The following PPM1E variants were observed in gnomAD, a reference collection of about 807,000 sequenced individuals.
PPM1E encodes protein phosphatase 1E.
In PPM1E, 20 loss-of-function variants were observed where a neutral mutation model predicts 65.9. The observed-to-expected ratio is 0.30, with a 90% CI of 0.21 to 0.44. PPM1E has a LOEUF of 0.44. PPM1E is among the 20% of genes least tolerant of loss of function. The probability of loss-of-function intolerance (pLI) is 1.00; values close to 1 mark genes in which losing one functional copy is unlikely to be tolerated. For synonymous variants in PPM1E, 352 were observed against 374.9 expected (o/e 0.94, Z 0.70); for missense variants, 713 against 953.1 (o/e 0.75, Z 3.32).
chr17:58,782,387 A>G (rs553356079), intron 1 of PPM1E, among the ~76,000 whole-genome samples: 1 of 151,434 alleles, frequency 6.6e-6, no homozygotes, highest in East Asian at 1.9e-4. Flanking sequence ...ACTTGCAACA[A>G]TCTTAACTCA....
At chr17:58,837,326 C>CAT (rs144509598) in intron 1 of PPM1E, among the ~76,000 whole-genome samples, 1,859 of 131,790 alleles carry the variant, frequency 0.014, 40 homozygotes, top group African/African-American at 0.048. Context: ...GAATAACACA[C>CAT]ACACATACAC....
intron 1 of PPM1E, among the ~76,000 whole-genome samples, chr17:58,847,575 G>A (rs1031157742): frequency 6.6e-6 from 1 of 152,116 alleles, no homozygotes; most frequent in African/African-American, 2.4e-5. Flanking sequence ...GTGATCAGAT[G>A]GTTATAGATG....
chr17:58,889,483 C>T (rs1268134451), intron 1 of PPM1E, among the ~76,000 whole-genome samples: 3 of 152,118 alleles, frequency 2.0e-5, no homozygotes, highest in Non-Finnish European at 4.4e-5. Context: ...CTTGTAATCC[C>T]AGCTACTTGG....
At chr17:58,979,496 A>G (rs1460612511) in intron 6 of PPM1E, among the ~76,000 whole-genome samples, 1 of 152,230 alleles carries the variant, frequency 6.6e-6, no homozygotes, top group African/African-American at 2.4e-5. Flanking sequence ...CAAGAATAGA[A>G]CAAAAATTAT....
At chr17:58,780,265 T>C (rs975113166) in intron 1 of PPM1E, among the ~76,000 whole-genome samples, 1 of 152,306 alleles carries the variant, frequency 6.6e-6, no homozygotes, top group African/African-American at 2.4e-5. Context: ...TCCCAGCACT[T>C]TGGGAGACCA....
chr17:58,791,629 G>A (rs1251793130), intron 1 of PPM1E, among the ~76,000 whole-genome samples: 1 of 152,062 alleles, frequency 6.6e-6, no homozygotes, highest in Non-Finnish European at 1.5e-5. Context: ...AAAATTCCAG[G>A]TTTTCTGGAC....
In PPM1E at chr17:58,980,699, TCTC is replaced by T. The variant is rs761247536; in HGVS notation, c.1939_1941del (p.Pro647del). ...GCAGATATACAGAATGCAGAGCTTG[TCTC>T]CTGTCTGTTCAGGGTTGGAAAATGA... On this transcript the variant is annotated inframe_deletion, in exon 7 of 7. Transcript: ENST00000308249. This position sits in a 1 kb window ranked among gnomAD's most constrained non-coding sequence, Gnocchi z 4.7. 4.3e-6 allele frequency: 7 copies of T among 1,614,212 alleles called. No homozygotes were observed. Among genetic ancestry groups the T allele is most frequent in the Non-Finnish European group, 5.9e-6 (7 of 1,180,038 alleles).
chr17:58,948,973 T>C (rs1395201196), intron 1 of PPM1E, among the ~76,000 whole-genome samples: 1 of 152,256 alleles, frequency 6.6e-6, no homozygotes, highest in Non-Finnish European at 1.5e-5. Flanking sequence ...ATAAAAAGAA[T>C]GCATATTCTG....
chr17:58,930,194 A>G (rs1306703272), intron 1 of PPM1E, among the ~76,000 whole-genome samples: 3 of 151,652 alleles, frequency 2.0e-5, no homozygotes, highest in African/African-American at 7.3e-5. Flanking sequence ...CCAGGAGTTC[A>G]AGACCAGCCT....
rs770059329 is a variant in PPM1E at position 58,980,334 on chromosome 17, A to G, written c.1571A>G (p.Glu524Gly). 6.2e-7 allele frequency: 1 copy of G among 1,614,106 alleles called. No homozygotes were observed. The highest frequency in any genetic ancestry group is 1.7e-5 in the Admixed American group (1 of 60,016). Residue 524 changes from glutamate (E) to glycine (G), a missense_variant, in exon 7 of 7, where the codon GAG becomes GGG. Physicochemically the swap from Glu to Gly is moderately conservative, Grantham distance 98. Transcript: ENST00000308249. This position sits in a 1 kb window ranked among gnomAD's most constrained non-coding sequence, Gnocchi z 4.7. ...DGGDDKENHG[E>G]CKRPWPQHQC... is the part of the protein sequence containing the mutation. ...GGGGATGATAAGGAGAATCATGGAG[A>G]GTGCAAACGCCCTTGGCCTCAGCAC...
intron 1 of PPM1E, among the ~76,000 whole-genome samples, chr17:58,948,066 G>A (rs1038333231): frequency 2.0e-5 from 3 of 152,126 alleles, no homozygotes; most frequent in Admixed American, 6.5e-5. Flanking sequence ...AGAAAGAAGA[G>A]GAAGCCGGGG....
At chr17:58,931,311 G>A (rs1054478744) in intron 1 of PPM1E, among the ~76,000 whole-genome samples, 11 of 151,862 alleles carry the variant, frequency 7.2e-5, no homozygotes, top group Non-Finnish European at 1.3e-4. Flanking sequence ...GCTTGAACCC[G>A]GGAGGCGGAG....
intron 1 of PPM1E, among the ~76,000 whole-genome samples, chr17:58,806,867 G>T (rs1301982290): frequency 3.4e-5 from 5 of 145,724 alleles, no homozygotes; most frequent in East Asian, 2.0e-4. Context: ...GCCCTGCTGT[G>T]TTTTTTTTTT....
chr17:58,769,429 T>C (rs1225019323), intron 1 of PPM1E, among the ~76,000 whole-genome samples: 1 of 152,052 alleles, frequency 6.6e-6, no homozygotes, highest in Non-Finnish European at 1.5e-5. Flanking sequence ...ACCCTGTCTC[T>C]ACCAAAAAAA....
chr17:58,882,412 C>T (rs2051206160), intron 1 of PPM1E, among the ~76,000 whole-genome samples: 1 of 150,972 alleles, frequency 6.6e-6, no homozygotes, highest in Admixed American at 6.6e-5. Flanking sequence ...TTTTTTGAGA[C>T]GGAGTTTTGC....
chr17:58,962,933 T>C (rs2030081301), intron 2 of PPM1E, among the ~76,000 whole-genome samples: 1 of 151,756 alleles, frequency 6.6e-6, no homozygotes, highest in Admixed American at 6.6e-5. Flanking sequence ...AAAAATTTTT[T>C]TTTAAATTAC....
chr17:58,783,981 G>T (rs1443497610), intron 1 of PPM1E, among the ~76,000 whole-genome samples: 1 of 151,676 alleles, frequency 6.6e-6, no homozygotes, highest in Non-Finnish European at 1.5e-5. Flanking sequence ...AAAGTGTTGG[G>T]ATTACAGGTG....
intron 1 of PPM1E, among the ~76,000 whole-genome samples, chr17:58,805,843 A>G (rs573410298): frequency 2.3e-4 from 35 of 151,554 alleles, no homozygotes; most frequent in Non-Finnish European, 4.4e-4. Context: ...ATGTAAAATC[A>G]TATCACTTAT....
intron 1 of PPM1E, among the ~76,000 whole-genome samples, chr17:58,835,329 A>AG (rs1349311142): frequency 2.6e-5 from 4 of 152,202 alleles, no homozygotes; most frequent in African/African-American, 9.6e-5. Context: ...TCGGTGACAG[A>AG]GCAAGACCCT....
Sources: allele counts gnomAD v4.1 joint callset (sites outside exome capture counted in the v4.1 genomes callset), GRCh38; gene constraint gnomAD v4.1.1; non-coding constraint Gnocchi (gnomAD v3.1); transcripts MANE v1.5; gene names NCBI Gene and HGNC (gene_info 2026-07-23, HGNC 2026-07-21).